Variants in RBFOX1 observed in about 807,000 individuals in gnomAD.
The protein encoded by RBFOX1 is RNA binding fox-1 homolog 1, also known as RNA binding protein fox-1 homolog 1.
In RBFOX1, 8 loss-of-function variants were observed where a neutral mutation model predicts 57.7. The ratio of observed to expected loss-of-function variants is 0.14; its 90% confidence interval spans 0.08 to 0.25. The LOEUF is 0.25. Among genes scored for constraint, RBFOX1 ranks in the 10% least tolerant of loss-of-function variants. The pLI is 1.00. For missense variants in RBFOX1, 611 were observed against 548.5 expected (o/e 1.11, Z -1.14); for synonymous variants, 326 against 222.4 (o/e 1.47, Z -4.15).
intron 4 of RBFOX1, among the ~76,000 whole-genome samples, chr16:7,191,939 T>C (rs2085491360): frequency 6.6e-6 from 1 of 152,220 alleles, no homozygotes. Flanking sequence ...GATAATAATT[T>C]ATTAAATTTC....
At chr16:6,309,692 G>A (rs2080000136) in intron 1 of RBFOX1, among the ~76,000 whole-genome samples, 2 of 152,124 alleles carry the variant, frequency 1.3e-5, no homozygotes, top group Middle Eastern at 3.4e-3. Context: ...TTAGTCTCTC[G>A]GAGGTCCCTA....
At chr16:6,726,998 G>C (rs2067340747) in intron 3 of RBFOX1, among the ~76,000 whole-genome samples, 1 of 151,178 alleles carries the variant, frequency 6.6e-6, no homozygotes, top group South Asian at 2.1e-4. Context: ...CAGACCCAGA[G>C]AAATAATGAC....
Position 5,273,085 on chromosome 16 carries a change from A to G in RBFOX1, c.219+32980A>G, listed in dbSNP as rs988655523. ...AGAAATGCTGCCCACTTAGAGAAAG[A>G]GAAACTCGTTCTCTTTAAGAGGCAG... On this transcript the variant is annotated intron_variant, in intron 1 of 2. Transcript: ENST00000585867. Among the ~76,000 whole-genome samples, 55 of 152,304 alleles carry G rather than the reference A, an allele frequency of 3.6e-4. 1 individual carries two copies. The highest frequency in any genetic ancestry group is 1.8e-4 in the Non-Finnish European group (12 of 68,022).
At chr16:6,218,599 T>C (rs2152872944) in intron 1 of RBFOX1, among the ~76,000 whole-genome samples, 1 of 152,306 alleles carries the variant, frequency 6.6e-6, no homozygotes, top group Admixed American at 6.5e-5. Flanking sequence ...CATGCACCAC[T>C]GCGCCGGCCT....
intron 1 of RBFOX1, among the ~76,000 whole-genome samples, chr16:6,147,294 C>A (rs1031488835): frequency 6.6e-5 from 10 of 152,128 alleles, no homozygotes; most frequent in African/African-American, 2.4e-4. Flanking sequence ...CCTTCCTTAC[C>A]ATTCTGTGCT....
In RBFOX1 at chr16:6,118,087, C is replaced by T. The variant is rs578205214; in HGVS notation, c.-127+98095C>T. Among the ~76,000 whole-genome samples, 78 of 152,274 alleles carry T rather than the reference C, an allele frequency of 5.1e-4. 1 individual carries two copies. The highest frequency in any genetic ancestry group is 1.7e-3 in the African/African-American group (69 of 41,554). The stretch of plus-strand genomic sequence containing the variant: ...CCAGAGAATTTCTGTATAGTCTTCA[C>T]CCATCTTCTCTGAGTATTAACATTT... On this transcript the variant is annotated intron_variant, in intron 1 of 15. Transcript: ENST00000550418.
At chr16:7,386,868 T>C (rs980649391) in intron 4 of RBFOX1, among the ~76,000 whole-genome samples, 2 of 152,234 alleles carry the variant, frequency 1.3e-5, no homozygotes, top group African/African-American at 4.8e-5. Context: ...TTCCTATTTC[T>C]CCACATCCTC....
intron 3 of RBFOX1, among the ~76,000 whole-genome samples, chr16:7,022,828 A>C (rs1344580130): frequency 6.6e-6 from 1 of 152,208 alleles, no homozygotes; most frequent in East Asian, 1.9e-4. Context: ...TTTATATCCA[A>C]GGAAGCTGAG....
chr16:6,554,759 GACACACACACAAAGGTACACAGACAC>G (rs1567662911), intron 2 of RBFOX1, among the ~76,000 whole-genome samples: 2 of 106,812 alleles, frequency 1.9e-5, no homozygotes, highest in Non-Finnish European at 3.9e-5. Context: ...CACACACACA[GACACACACACAAAGGTACACAGACAC>G]ACACACAGAC....
chr16:6,206,222 C>G (rs1228306418), intron 1 of RBFOX1, among the ~76,000 whole-genome samples: 2 of 152,064 alleles, frequency 1.3e-5, no homozygotes, highest in Non-Finnish European at 2.9e-5. Context: ...CCTTTCAGTT[C>G]TATGGGCAAG....
At chr16:7,183,303 A>T (rs111997416) in intron 4 of RBFOX1, among the ~76,000 whole-genome samples, 3,777 of 152,252 alleles carry the variant, frequency 0.025, 70 homozygotes, top group Middle Eastern at 0.034. Context: ...GTGCTTGTCA[A>T]TTTACAGAGG....
intron 2 of RBFOX1, among the ~76,000 whole-genome samples, chr16:5,518,020 C>G (rs1307348053): frequency 6.6e-6 from 1 of 151,196 alleles, no homozygotes; most frequent in Non-Finnish European, 1.5e-5. Context: ...TTAAATTATT[C>G]AAAACTAATG....
At chr16:6,127,470 T>G (rs1353064969) in intron 1 of RBFOX1, among the ~76,000 whole-genome samples, 1 of 152,128 alleles carries the variant, frequency 6.6e-6, no homozygotes, top group Non-Finnish European at 1.5e-5. Context: ...TTGAAAGATG[T>G]GAAGTGATGT....
intron 3 of RBFOX1, among the ~76,000 whole-genome samples, chr16:6,922,772 A>T (rs2074759382): frequency 6.6e-6 from 1 of 152,128 alleles, no homozygotes. Flanking sequence ...TTGTATGGTG[A>T]CTGTGAGTAA....
chr16:7,554,081 C>A (rs564134317), intron 5 of RBFOX1, among the ~76,000 whole-genome samples: 1 of 152,100 alleles, frequency 6.6e-6, no homozygotes, highest in Non-Finnish European at 1.5e-5. Context: ...TGCACTCCAG[C>A]CTGGGTGAAA....
Position 5,917,573 on chromosome 16 carries a change from G to T in RBFOX1, c.351+50238G>T, listed in dbSNP as rs9936843. On this transcript the variant is annotated intron_variant, in intron 4 of 19. Coordinates refer to the RBFOX1 transcript ENST00000641259. ...AGCCACAGTGGGTGGGAAGGAAGGA[G>T]ACTCAAACTCTGGACTGCACTGGGT... 2.0e-3 allele frequency among the ~76,000 whole-genome samples: 305 copies of T among 152,310 alleles called. 1 individual carries two copies. Among genetic ancestry groups the T allele is most frequent in the African/African-American group, 7.1e-3 (296 of 41,582 alleles).
At chr16:6,925,696 G>A (rs1022284122) in intron 3 of RBFOX1, among the ~76,000 whole-genome samples, 4 of 151,952 alleles carry the variant, frequency 2.6e-5, no homozygotes, top group African/African-American at 7.3e-5. Flanking sequence ...ATTTGAGCAA[G>A]TATTTGGTAG....
intron 1 of RBFOX1, among the ~76,000 whole-genome samples, chr16:5,441,710 C>T (rs2068090246): frequency 6.6e-6 from 1 of 152,056 alleles, no homozygotes; most frequent in South Asian, 2.1e-4. Context: ...CTGGGGAGGC[C>T]TCAGGAAACT....
At chr16:6,639,570 A>T (rs1034392685) in intron 2 of RBFOX1, among the ~76,000 whole-genome samples, 8 of 152,280 alleles carry the variant, frequency 5.3e-5, no homozygotes, top group African/African-American at 1.4e-4. Flanking sequence ...TAATAAATAC[A>T]CATAATTTAA....
Sources: gnomAD v4.1 joint callset for allele counts (sites outside exome capture counted in the v4.1 genomes callset) on GRCh38, gnomAD v4.1.1 for gene constraint, MANE v1.5 for transcripts, NCBI Gene and HGNC (gene_info 2026-07-23, HGNC 2026-07-21) for gene names.